Variants in KIF13B observed in about 807,000 individuals in gnomAD.
KIF13B encodes kinesin-like protein KIF13B.
KIF13B carries 127 observed loss-of-function variants against 222.0 expected under a neutral mutation model. That is an observed-to-expected ratio of 0.57 (90% CI 0.50 to 0.66). KIF13B has a LOEUF of 0.66. Among genes scored for constraint, KIF13B ranks in the 30% least tolerant of loss-of-function variants. KIF13B has a pLI of 0.00. For synonymous variants in KIF13B, 976 were observed against 919.0 expected, an observed-to-expected ratio of 1.06 and a Z score of -1.12; for missense variants, 2,173 against 2,379.0, an observed-to-expected ratio of 0.91 and a Z score of 1.80.
At position 29,167,574 on chromosome 8, in the gene KIF13B, C is replaced by T; in HGVS notation, c.957G>A (p.Gly319=). Residue 319 remains glycine, a synonymous_variant, in exon 11 of 40, where the codon GGG becomes GGA. Transcript: ENST00000524189. ...VLTWLLKDSL[G]GNSKTAMVAT... ...CCACCATGGCGGTCTTGCTGTTACC[C>T]CCGAGGCTGTCCTACAGGAGAAAAC... 6.2e-7 allele frequency: 1 copy of T among 1,613,826 alleles called. No homozygotes were observed. The highest frequency in any genetic ancestry group is 1.7e-4 in the Middle Eastern group (1 of 6,058).
chr8:29,175,539 A>C (rs1812439589), intron 10 of KIF13B, among the ~76,000 whole-genome samples: 1 of 152,234 alleles, frequency 6.6e-6, no homozygotes, highest in South Asian at 2.1e-4. Flanking sequence ...CAATGAATGA[A>C]TGAATGACTG....
At chr8:29,092,545 G>A (rs778480239) in intron 37 of KIF13B, among the ~76,000 whole-genome samples, 200 bp downstream of exon 37, 3 of 152,214 alleles carry the variant, frequency 2.0e-5, no homozygotes, top group Non-Finnish European at 4.4e-5. Flanking sequence ...AAAGCAGAAA[G>A]GAAGGAGTGT....
At chr8:29,154,480 ATTTAAGAACGCAGGGG>A (rs1811430123) in intron 14 of KIF13B, among the ~76,000 whole-genome samples, 1 of 152,168 alleles carries the variant, frequency 6.6e-6, no homozygotes, top group Non-Finnish European at 1.5e-5. Context: ...TTCAGACAGA[ATTTAAGAACGCAGGGG>A]TTCCACATAT....
chr8:29,144,308 TG>T (rs1439924720), intron 18 of KIF13B, among the ~76,000 whole-genome samples: 2 of 152,166 alleles, frequency 1.3e-5, no homozygotes, highest in Non-Finnish European at 2.9e-5. Flanking sequence ...TCGCCCAGGC[TG>T]GGGTGCAGTG....
chr8:29,083,756 TTTG>T (rs1232687178), intron 37 of KIF13B, among the ~76,000 whole-genome samples: 6 of 152,174 alleles, frequency 3.9e-5, no homozygotes, highest in Non-Finnish European at 2.9e-5. Context: ...TTAAAAACTC[TTTG>T]TTAACTCCAG....
intron 31 of KIF13B, 27 bp downstream of exon 31, chr8:29,116,802 TAG>T: frequency 6.3e-7 from 1 of 1,577,692 alleles, no homozygotes; most frequent in Non-Finnish European, 8.7e-7. Context: ...CAACTGTGGT[TAG>T]AGTCGTTTCT....
chr8:29,253,315 G>T (rs1343164424), intron 1 of KIF13B, among the ~76,000 whole-genome samples: 1 of 152,204 alleles, frequency 6.6e-6, no homozygotes, highest in East Asian at 1.9e-4. Flanking sequence ...CTACACTCCA[G>T]CCTGGGCAAC....
intron 2 of KIF13B, among the ~76,000 whole-genome samples, chr8:29,201,443 T>C (rs2130415764): frequency 6.6e-6 from 1 of 152,308 alleles, no homozygotes; most frequent in South Asian, 2.1e-4. Context: ...TATAAACTCA[T>C]CACCTCTGAA....
At chr8:29,170,460 G>A (rs1812188773) in intron 10 of KIF13B, among the ~76,000 whole-genome samples, 1 of 152,170 alleles carries the variant, frequency 6.6e-6, no homozygotes, top group African/African-American at 2.4e-5. Context: ...TAAGATGATA[G>A]AGATAAATAC....
chr8:29,244,405 A>G (rs972916718), intron 2 of KIF13B, among the ~76,000 whole-genome samples: 2 of 151,016 alleles, frequency 1.3e-5, no homozygotes, highest in African/African-American at 2.5e-5. Flanking sequence ...TATGAATCCT[A>G]CTTTGCACAA....
At chr8:29,150,650 T>G (rs975906140) in intron 14 of KIF13B, among the ~76,000 whole-genome samples, 1 of 152,210 alleles carries the variant, frequency 6.6e-6, no homozygotes, top group African/African-American at 2.4e-5. Flanking sequence ...CGCTATCCTA[T>G]GTTAAGCAAG....
At chr8:29,180,000 A>G (rs747473499) in intron 8 of KIF13B, 104 bp downstream of exon 8, 218 of 1,288,414 alleles carry the variant, frequency 1.7e-4, no homozygotes, top group South Asian at 2.6e-4. Flanking sequence ...ATTGATACAC[A>G]AGTCTAGCCA....
chr8:29,147,302 T>C, intron 17 of KIF13B, 90 bp downstream of exon 17: 6 of 910,230 alleles, frequency 6.6e-6, no homozygotes, highest in South Asian at 3.2e-5. Flanking sequence ...GTAAGCACCA[T>C]CTTAATGTTC....
At chr8:29,088,343 C>T (rs1006345889) in intron 37 of KIF13B, among the ~76,000 whole-genome samples, 2 of 151,946 alleles carry the variant, frequency 1.3e-5, no homozygotes, top group Non-Finnish European at 2.9e-5. Context: ...TTCAAGTGCC[C>T]ATGAAGGATT....
chr8:29,246,150 C>T (rs145127371), intron 1 of KIF13B, among the ~76,000 whole-genome samples: 1,696 of 152,122 alleles, frequency 0.011, 42 homozygotes, highest in African/African-American at 0.04. Flanking sequence ...GAGGCCGAGG[C>T]GGGTGGATTA....
intron 18 of KIF13B, among the ~76,000 whole-genome samples, chr8:29,143,509 C>T (rs1810912430): frequency 6.6e-6 from 1 of 152,224 alleles, no homozygotes; most frequent in Non-Finnish European, 1.5e-5. Context: ...GGTGCTCACA[C>T]CACATTATTA....
At chr8:29,156,830 A>G (rs1811554680) in intron 13 of KIF13B, among the ~76,000 whole-genome samples, 1 of 151,832 alleles carries the variant, frequency 6.6e-6, no homozygotes, top group African/African-American at 2.4e-5. Context: ...CTCAGCCACT[A>G]TTATTTTCTG....
chr8:29,099,244 A>C lies in KIF13B; in HGVS notation c.4216-3T>G. ...TCCTGCTGACTTTCCCACCGGCCCT[A>C]GTAAAGACAAAATTGGCAATTTTGT... On this transcript the variant is annotated splice_polypyrimidine_tract_variant and splice_region_variant and intron_variant, in intron 35 of 39. Coordinates refer to ENST00000524189, the MANE Select transcript of KIF13B (RefSeq NM_015254.4). 1.3e-6 allele frequency: 2 copies of C among 1,589,616 alleles called. No individual in the cohort carries two copies. The highest frequency in any genetic ancestry group is 1.7e-6 in the Non-Finnish European group (2 of 1,170,240).
Position 29,092,651 on chromosome 8 carries a change from C to T in KIF13B, c.4458+94G>A, listed in dbSNP as rs376846921. 3.6e-5 allele frequency: 49 copies of T among 1,378,964 alleles called. 2 individuals carry two copies. Among genetic ancestry groups the T allele is most frequent in the East Asian group, 2.3e-4 (9 of 39,144 alleles). 85.4% of individuals were successfully genotyped at this position (1,378,964 alleles called of 1,614,324 possible). A position where few individuals can be genotyped will look rare whatever the true frequency, so the allele number is the denominator to read the frequency against. On this transcript the variant is annotated intron_variant, in intron 37 of 39. Transcript: ENST00000524189. ...GTTTAAAAACCCAGTTTAGCCCCAA[C>T]CCAGAGGCCGCACCTCCACCTCCAG... is the stretch of plus-strand genomic sequence containing the variant.
Sources: allele counts gnomAD v4.1 joint callset (sites outside exome capture counted in the v4.1 genomes callset), GRCh38; gene constraint gnomAD v4.1.1; transcripts MANE v1.5; gene names NCBI Gene and HGNC (gene_info 2026-07-23, HGNC 2026-07-21).